ZNF141: variants seen among roughly 807,000 people sequenced by gnomAD.
ZNF141 encodes zinc finger protein 141 (clone pHZ-44).
ZNF141 carries 7 observed loss-of-function variants against 11.3 expected under a neutral mutation model. The ratio of observed to expected loss-of-function variants is 0.62; its 90% CI spans 0.35 to 1.16. The LOEUF is 1.16. Ranked by LOEUF, ZNF141 falls within the 50% of genes most tolerant of loss-of-function variation. The pLI, the probability that ZNF141 is intolerant of heterozygous loss-of-function variation, is 0.02. For synonymous variants in ZNF141, 183 were observed against 190.7 expected, an observed-to-expected ratio of 0.96 and a Z score of 0.33; for missense variants, 535 against 554.0, an observed-to-expected ratio of 0.97 and a Z score of 0.34.
chr4:353,448 T>TTTA (rs1188055846), intron 3 of ZNF141, among the ~76,000 whole-genome samples: 5 of 145,166 alleles, frequency 3.4e-5, no homozygotes, highest in South Asian at 2.1e-4. Flanking sequence ...AGTTTATTAA[T>TTTA]TTATTATTAT....
rs1268639403 is a variant in ZNF141 at position 383,196 on chromosome 4, A to G, written c.*9334A>G. 1 of 699,418 alleles carries G rather than the reference A, an allele frequency of 1.4e-6. No individual in the cohort carries two copies. Among genetic ancestry groups the G allele is most frequent in the African/African-American group, 1.8e-5 (1 of 57,020 alleles). 43.3% of individuals were successfully genotyped at this position (699,418 alleles called of 1,614,324 possible). Reference sequence around the variant, plus strand: ...AGTTTACAGACAGCTCACTCACAGAAGCAGAGCCACCTAATTCACCAGCAT... The same window carrying G: ...AGTTTACAGACAGCTCACTCACAGAGGCAGAGCCACCTAATTCACCAGCAT... On this transcript the variant is annotated 3_prime_UTR_variant, in exon 4 of 4. Transcript: ENST00000240499.
Position 382,958 on chromosome 4 carries a change from C to T in ZNF141, c.*9096C>T, listed in dbSNP as rs1712732081. 1 of 500,948 alleles carries T rather than the reference C, an allele frequency of 2.0e-6. No homozygotes were observed. The highest frequency in any genetic ancestry group is 3.5e-6 in the Non-Finnish European group (1 of 284,068). 31.0% of individuals were successfully genotyped at this position (500,948 alleles called of 1,614,324 possible). On this transcript the variant is annotated 3_prime_UTR_variant, in exon 4 of 4. Transcript: ENST00000240499. ...ATTGTATTCATGTCCTTGGAAATGG[C>T]TTTTATAGTCGTTCCTATCAAGAGA...
chr4:382,671 G>A lies in ZNF141; in HGVS notation c.*8809G>A, dbSNP rs1553855873. On this transcript the variant is annotated 3_prime_UTR_variant, in exon 4 of 4. Coordinates refer to ENST00000240499, the MANE Select transcript of ZNF141 (RefSeq NM_003441.4). ...TCCCTGGAGTGAATTATTTCCAATG[G>A]TGAAGAGTAATGGATGGATGGCATG... 3 of 152,764 alleles carry A rather than the reference G, an allele frequency of 2.0e-5. No individual in the cohort carries two copies. Among genetic ancestry groups the A allele is most frequent in the Admixed American group, 2.0e-4 (3 of 15,326 alleles). 9.5% of individuals were successfully genotyped at this position (152,764 alleles called of 1,614,324 possible).
At chr4:362,001 A>T (rs1334016631) in intron 3 of ZNF141, among the ~76,000 whole-genome samples, 2 of 152,244 alleles carry the variant, frequency 1.3e-5, no homozygotes, top group East Asian at 3.8e-4. Flanking sequence ...TCAACAGTGT[A>T]AAAGTGTTCC....
In ZNF141 at chr4:337,997, G is replaced by T; in HGVS notation, c.3+11G>T. 6.2e-7 allele frequency: 1 copy of T among 1,613,254 alleles called. No individual in the cohort carries two copies. Among genetic ancestry groups the T allele is most frequent in the Non-Finnish European group, 8.5e-7 (1 of 1,179,476 alleles). On this transcript the variant is annotated intron_variant, in intron 1 of 3. Coordinates refer to ENST00000240499, the MANE Select transcript of ZNF141 (RefSeq NM_003441.4). ...AGAAGTGGGGAAATGGTGAGTGTGC[G>T]GGGCAGGGCGTCCCAAGGCTGAGGA... is the stretch of plus-strand genomic sequence containing the variant.
chr4:374,198 A>G lies in ZNF141; in HGVS notation c.*336A>G. 3.0e-6 allele frequency: 1 copy of G among 332,772 alleles called. No homozygotes were observed. Among genetic ancestry groups the G allele is most frequent in the Admixed American group, 4.3e-5 (1 of 23,450 alleles). 20.6% of individuals were successfully genotyped at this position (332,772 alleles called of 1,614,324 possible). ...ATAAACATAAGAAAAATCATGCTGG[A>G]GGGAAGCCCTACACATGTGGCAGAA... is the stretch of plus-strand genomic sequence containing the variant. On this transcript the variant is annotated 3_prime_UTR_variant, in exon 4 of 4. Transcript: ENST00000240499.
At chr4:361,405 GT>G (rs1722107113) in intron 3 of ZNF141, among the ~76,000 whole-genome samples, 1 of 136,424 alleles carries the variant, frequency 7.3e-6, no homozygotes, top group African/African-American at 2.7e-5. Context: ...TTTTTTTTAA[GT>G]TCTAGGGTAC....
chr4:360,454 T>C (rs988034685), intron 3 of ZNF141, among the ~76,000 whole-genome samples: 2 of 152,222 alleles, frequency 1.3e-5, no homozygotes, highest in South Asian at 2.1e-4. Flanking sequence ...ATGCCAGCTC[T>C]TCATAAGTCA....
chr4:373,688 T>C lies in ZNF141; in HGVS notation c.1251T>C (p.His417=), dbSNP rs1553854099. Residue 417 remains histidine, a synonymous_variant, in exon 4 of 4, where the codon CAT becomes CAC. Coordinates refer to ENST00000240499, the MANE Select transcript of ZNF141 (RefSeq NM_003441.4). ...ATCGGAGTCAACATAAGAAAATTCA[T>C]AGTGCAGATAAACCCTACAAATGTA... The part of the protein sequence containing the change: ...STDRSQHKKI[H]SADKPYKCKE... 6.2e-7 allele frequency: 1 copy of C among 1,614,094 alleles called. No individual in the cohort carries two copies. The highest frequency in any genetic ancestry group is 1.7e-5 in the Admixed American group (1 of 60,018).
rs1163667672 is a variant in ZNF141 at position 377,953 on chromosome 4, T to G, written c.*4091T>G. On this transcript the variant is annotated 3_prime_UTR_variant, in exon 4 of 4. Transcript: ENST00000240499. ...AGGCCGAGATGGGTGGGTCATGAAGTCAAGAGAGCAAGATCATCCTGGCAA... is the reference window on the plus strand; with the variant it reads ...AGGCCGAGATGGGTGGGTCATGAAGGCAAGAGAGCAAGATCATCCTGGCAA... 6.6e-6 allele frequency: 1 copy of G among 152,018 alleles called. No homozygotes were observed. The highest frequency in any genetic ancestry group is 1.5e-5 in the Non-Finnish European group (1 of 68,026). The allele number at this position is 152,018 out of a possible 1,614,324, so 9.4% of individuals were successfully genotyped here. A position where few individuals can be genotyped will look rare whatever the true frequency, so the allele number is the denominator to read the frequency against.
At position 380,485 on chromosome 4, in the gene ZNF141, C is replaced by T. The variant is rs2108662085; in HGVS notation, c.*6623C>T. 6.6e-6 allele frequency among the ~76,000 whole-genome samples: 1 copy of T among 152,124 alleles called. No individual in the cohort carries two copies. Among genetic ancestry groups the T allele is most frequent in the East Asian group, 1.9e-4 (1 of 5,172 alleles). The stretch of plus-strand genomic sequence containing the variant: ...TGGCCAACATGGTGAAACCCCGTCT[C>T]TACTACAAATATAAAAATTAGCTGG... On this transcript the variant is annotated 3_prime_UTR_variant, in exon 4 of 4. Transcript: ENST00000240499.
chr4:365,409 C>A (rs1453996867), intron 3 of ZNF141, among the ~76,000 whole-genome samples: 1 of 152,202 alleles, frequency 6.6e-6, no homozygotes, highest in Non-Finnish European at 1.5e-5. Context: ...AATCACCCGT[C>A]TTTTACGTCA....
intron 3 of ZNF141, among the ~76,000 whole-genome samples, chr4:347,039 C>CT (rs201885088): frequency 0.42 from 55,979 of 134,716 alleles, 12,163 homozygotes; most frequent in African/African-American, 0.55. Flanking sequence ...TAGTTTTATT[C>CT]TTTTTTTTTT....
chr4:382,496 A>T lies in ZNF141; in HGVS notation c.*8634A>T, dbSNP rs1233341653. 1 of 152,156 alleles carries T rather than the reference A, an allele frequency of 6.6e-6. No individual in the cohort carries two copies. The highest frequency in any genetic ancestry group is 2.4e-5 in the African/African-American group (1 of 41,422). 9.4% of individuals were successfully genotyped at this position (152,156 alleles called of 1,614,324 possible). On this transcript the variant is annotated 3_prime_UTR_variant, in exon 4 of 4. Transcript: ENST00000240499. ...GTCAACAAATGCAAAAAATGCAAAG[A>T]ATTTGTAGGTATGATTAGTGCATTA...
At chr4:366,995 CA>C (rs1711775522) in intron 3 of ZNF141, among the ~76,000 whole-genome samples, 1 of 152,118 alleles carries the variant, frequency 6.6e-6, no homozygotes, top group Non-Finnish European at 1.5e-5. Flanking sequence ...GCAACACTGG[CA>C]AAATTGAACA....
chr4:378,736 C>T lies in ZNF141; in HGVS notation c.*4874C>T, dbSNP rs1560203100. Reference sequence around the variant, plus strand: ...GATGCATTTCATGGGCTACAGTTTTCATTTTTACTCACCTAACTTTATCCA... The same window carrying T: ...GATGCATTTCATGGGCTACAGTTTTTATTTTTACTCACCTAACTTTATCCA... On this transcript the variant is annotated 3_prime_UTR_variant, in exon 4 of 4. Coordinates refer to ENST00000240499, the MANE Select transcript of ZNF141 (RefSeq NM_003441.4). Among the ~76,000 whole-genome samples, 1 of 150,600 alleles carries T rather than the reference C, an allele frequency of 6.6e-6. No individual in the cohort carries two copies. Among genetic ancestry groups the T allele is most frequent in the Non-Finnish European group, 1.5e-5 (1 of 67,806 alleles).
At chr4:370,101 G>C (rs1162481975) in intron 3 of ZNF141, among the ~76,000 whole-genome samples, 6 of 151,930 alleles carry the variant, frequency 3.9e-5, no homozygotes, top group African/African-American at 1.2e-4. Context: ...AATGTAACTT[G>C]AATTGCATTT....
At chr4:354,276 C>T (rs1553850929) in intron 3 of ZNF141, among the ~76,000 whole-genome samples, 3 of 152,176 alleles carry the variant, frequency 2.0e-5, no homozygotes, top group African/African-American at 7.2e-5. Flanking sequence ...GCATTTTCCC[C>T]CCACAGACCC....
At chr4:359,298 G>GAA (rs59855402) in intron 3 of ZNF141, among the ~76,000 whole-genome samples, 1 of 148,518 alleles carries the variant, frequency 6.7e-6, no homozygotes, top group African/African-American at 2.5e-5. Context: ...CTGGTGCTGA[G>GAA]AAAAAAAAAA....
Sources: allele counts gnomAD v4.1 joint callset (sites outside exome capture counted in the v4.1 genomes callset), GRCh38; gene constraint gnomAD v4.1.1; transcripts MANE v1.5; gene names NCBI Gene and HGNC (gene_info 2026-07-23, HGNC 2026-07-21).